Variants in TENM2 observed in about 807,000 individuals in gnomAD.
TENM2 encodes the protein teneurin transmembrane protein 2.
A neutral mutation model predicts 245.2 loss-of-function variants in TENM2; 52 were observed. The ratio of observed to expected loss-of-function variants is 0.21; its 90% CI spans 0.17 to 0.27. The LOEUF (loss-of-function observed/expected upper bound fraction) is 0.27. Ranked by LOEUF, TENM2 falls within the 10% of genes least tolerant of loss-of-function variation. The probability of loss-of-function intolerance (pLI) is 1.00; values close to 1 mark genes in which losing one functional copy is unlikely to be tolerated. For synonymous variants in TENM2, 1,363 were observed against 1,438.9 expected (o/e 0.95, Z 1.19); for missense variants, 3,046 against 3,666.8 (o/e 0.83, Z 4.37).
At chr5:167,380,855 C>A (rs2862266) in intron 2 of TENM2, among the ~76,000 whole-genome samples, 22,092 of 152,104 alleles carry the variant, frequency 0.15, 1,831 homozygotes, top group Non-Finnish European at 0.19. Flanking sequence ...TTGGAAGCCT[C>A]TTCAGTCAGA....
At chr5:167,247,843 C>T in the TENM2 span, among the ~76,000 whole-genome samples, 12 of 152,020 alleles carry the variant, frequency 7.9e-5, no homozygotes, top group African/African-American at 2.7e-4. Flanking sequence ...TCTGAAGGAA[C>T]ATGAAATTAA....
chr5:168,104,606 C>T (rs1042623714), intron 9 of TENM2, among the ~76,000 whole-genome samples: 1 of 152,204 alleles, frequency 6.6e-6, no homozygotes. Flanking sequence ...CACACTGCGC[C>T]TCCCGTGCCC....
intron 2 of TENM2, among the ~76,000 whole-genome samples, chr5:167,850,613 C>T (rs1460121905): frequency 6.6e-6 from 1 of 152,142 alleles, no homozygotes; most frequent in Non-Finnish European, 1.5e-5. Flanking sequence ...TGATGTAGCC[C>T]AGCTTCTGAG....
intron 2 of TENM2, among the ~76,000 whole-genome samples, chr5:167,604,525 T>A (rs929912513): frequency 6.6e-6 from 1 of 152,230 alleles, no homozygotes; most frequent in Non-Finnish European, 1.5e-5. Context: ...GATCTAAGTA[T>A]CTGGTAGGTC....
the TENM2 span, among the ~76,000 whole-genome samples, chr5:167,169,279 T>C: frequency 6.6e-6 from 1 of 152,278 alleles, no homozygotes; most frequent in South Asian, 2.1e-4. Flanking sequence ...ATGTTTTCGT[T>C]GTCTCATTGG....
intron 3 of TENM2, among the ~76,000 whole-genome samples, chr5:167,879,828 A>G (rs1394802564): frequency 6.6e-6 from 1 of 152,166 alleles, no homozygotes; most frequent in Non-Finnish European, 1.5e-5. Context: ...CTCTGTTTGT[A>G]ACTGAGCACA....
At position 167,791,999 on chromosome 5, in the gene TENM2, A is replaced by G. The variant is rs141607810; in HGVS notation, c.503-83987A>G. 1.3e-3 allele frequency among the ~76,000 whole-genome samples: 191 copies of G among 152,224 alleles called. 3 individuals are homozygous for G. The East Asian group carries it at 0.029, about 23-fold the overall frequency. The stretch of plus-strand genomic sequence containing the variant: ...TGAGGAAGAGTGTCACTTACCATTT[A>G]CAAGATCAAGGTTGAAGTATTGTTT... On this transcript the variant is annotated intron_variant, in intron 2 of 28. Transcript: ENST00000518659.
intron 12 of TENM2, among the ~76,000 whole-genome samples, chr5:168,134,549 T>A (rs1476077949): frequency 6.6e-6 from 1 of 152,072 alleles, no homozygotes; most frequent in Non-Finnish European, 1.5e-5. Context: ...TAGCTGGGTG[T>A]GGTGGCGAGC....
At chr5:167,358,708 C>T (rs758555259) in intron 1 of TENM2, among the ~76,000 whole-genome samples, 7 of 151,392 alleles carry the variant, frequency 4.6e-5, no homozygotes, top group Non-Finnish European at 8.8e-5. Context: ...GTATATCAGA[C>T]CTGTCTCATA....
chr5:167,153,319 C>G, the TENM2 span, among the ~76,000 whole-genome samples: 1 of 151,318 alleles, frequency 6.6e-6, no homozygotes, highest in South Asian at 2.1e-4. Context: ...TGTATTCTTA[C>G]TATAAAGTAA....
chr5:168,127,375 G>C (rs1419433937), intron 12 of TENM2, among the ~76,000 whole-genome samples: 8 of 152,090 alleles, frequency 5.3e-5, no homozygotes, highest in African/African-American at 1.9e-4. Flanking sequence ...CTAATTTTAG[G>C]TCAGGTTAGA....
chr5:167,789,145 C>A (rs958380447), intron 2 of TENM2, among the ~76,000 whole-genome samples: 7 of 152,200 alleles, frequency 4.6e-5, no homozygotes, highest in African/African-American at 1.7e-4. Context: ...AATAAAAAAA[C>A]TAACAGATAA....
intron 2 of TENM2, among the ~76,000 whole-genome samples, chr5:167,809,400 C>T (rs1766464681): frequency 6.6e-6 from 1 of 152,020 alleles, no homozygotes; most frequent in South Asian, 2.1e-4. Context: ...GTGAAAATGG[C>T]TCTCATTATT....
At chr5:167,134,420 G>A in the TENM2 span, among the ~76,000 whole-genome samples, 5 of 151,980 alleles carry the variant, frequency 3.3e-5, no homozygotes, top group African/African-American at 9.7e-5. Flanking sequence ...AATTAGTGAA[G>A]GTGAATGACT....
the TENM2 span, among the ~76,000 whole-genome samples, chr5:167,064,015 C>A: frequency 5.0e-3 from 764 of 152,214 alleles, 6 homozygotes; most frequent in African/African-American, 0.017. Flanking sequence ...CGTTGGGAGT[C>A]TGCGTGATGA....
chr5:167,451,662 TTC>T (rs1305881279), intron 2 of TENM2, among the ~76,000 whole-genome samples: 2 of 152,030 alleles, frequency 1.3e-5, no homozygotes, highest in Non-Finnish European at 2.9e-5. Context: ...TTTTTTTTTT[TTC>T]TTGAGACGGA....
At chr5:167,316,551 G>C (rs1333768118) in intron 1 of TENM2, among the ~76,000 whole-genome samples, 1 of 152,154 alleles carries the variant, frequency 6.6e-6, no homozygotes, top group Non-Finnish European at 1.5e-5. Context: ...TTAGGTATGA[G>C]TATCCATACA....
At chr5:167,084,494 A>G in the TENM2 span, among the ~76,000 whole-genome samples, 57 of 151,328 alleles carry the variant, frequency 3.8e-4, no homozygotes, top group Middle Eastern at 6.8e-3. Flanking sequence ...AATAATAGCA[A>G]GCACATGGAG....
At chr5:167,468,363 A>G (rs1378194695) in intron 2 of TENM2, among the ~76,000 whole-genome samples, 1 of 152,248 alleles carries the variant, frequency 6.6e-6, no homozygotes, top group East Asian at 1.9e-4. Flanking sequence ...ATGTCTGTGC[A>G]TGCTACTCTT....
Sources: gnomAD v4.1 joint callset for allele counts (sites outside exome capture counted in the v4.1 genomes callset) on GRCh38, gnomAD v4.1.1 for gene constraint, MANE v1.5 for transcripts, NCBI Gene and HGNC (gene_info 2026-07-23, HGNC 2026-07-21) for gene names.